ABCC11: variants seen among roughly 807,000 people sequenced by gnomAD.
The protein encoded by ABCC11 is ATP-binding cassette sub-family C member 11.
Under a neutral mutation model 149.3 loss-of-function variants are expected in ABCC11, and 135 were observed. That is an observed-to-expected ratio of 0.90 (90% CI 0.79 to 1.04). The LOEUF (loss-of-function observed/expected upper bound fraction) is 1.04. ABCC11 is among the 50% of genes least tolerant of loss of function. The pLI is 0.00. For missense variants in ABCC11, 1,680 were observed against 1,722.1 expected, an observed-to-expected ratio of 0.98 and a Z score of 0.43; for synonymous variants, 665 against 671.4, an observed-to-expected ratio of 0.99 and a Z score of 0.15.
intron 12 of ABCC11, among the ~76,000 whole-genome samples, chr16:48,205,778 G>T (rs1244089360): frequency 2.0e-5 from 3 of 151,864 alleles, no homozygotes; most frequent in Admixed American, 2.0e-4. Flanking sequence ...TGAATCCAAG[G>T]TCTGCACTAA....
intron 4 of ABCC11, among the ~76,000 whole-genome samples, chr16:48,225,793 T>C (rs1302232958): frequency 6.6e-6 from 1 of 152,198 alleles, no homozygotes; most frequent in Non-Finnish European, 1.5e-5. Context: ...CCACTAGTGC[T>C]GGAAAAATGA....
rs769097533 is a variant in ABCC11 at position 48,197,992 on chromosome 16, C to T, written c.2293G>A (p.Glu765Lys). The T allele has an allele frequency of 1.4e-5, 23 of 1,614,066 alleles. No homozygotes were observed. In the South Asian group the frequency reaches 1.5e-4, roughly 11 times the overall value. Residue 765 changes from glutamate to lysine, a missense_variant, in exon 17 of 30, where the codon GAG becomes AAG. Transcript: ENST00000356608. ...TTACCAGCATTTCCGTTGAGAGACT[C>T]TTCCAGGGAGGTGGCCAGAGCCTGA... ...ESQALATSLEESLNGNAVPEH... is the reference protein window; with the variant it reads ...ESQALATSLEKSLNGNAVPEH...
At position 48,233,792 on chromosome 16, in the gene ABCC11, C is replaced by A. The variant is rs1232442226; in HGVS notation, c.-18-1853G>T. Among the ~76,000 whole-genome samples the A allele has an allele frequency of 2.6e-5, 4 of 152,180 alleles. No homozygotes were observed. In the East Asian group the frequency reaches 7.7e-4, roughly 29 times the overall value. On this transcript the variant is annotated intron_variant, in intron 1 of 29. Coordinates refer to ENST00000356608, the MANE Select transcript of ABCC11 (RefSeq NM_001370497.1). Reference sequence around the variant, plus strand: ...CATAAACGTTTATATCTGTAACAAACCTGTGGTTGCAATTGGTGATTAAGT... The same window carrying A: ...CATAAACGTTTATATCTGTAACAAAACTGTGGTTGCAATTGGTGATTAAGT...
rs373067714 is a variant in ABCC11, at chr16:48,175,437, C to T, written c.3539-20G>A. On this transcript the variant is annotated intron_variant, in intron 25 of 29. Coordinates refer to ENST00000356608, the MANE Select transcript of ABCC11 (RefSeq NM_001370497.1). ...ACTTCCCTGTGGGGCAAGAAACAAG[C>T]GGGGCCTCAGTTTCCTGCATCTGCA... 7.5e-6 allele frequency: 12 copies of T among 1,594,286 alleles called. No homozygotes were observed. Among genetic ancestry groups the T allele is most frequent in the African/African-American group, 5.4e-5 (4 of 74,622 alleles).
At chr16:48,192,499 A>G (rs762412192) in intron 20 of ABCC11, 21 bp downstream of exon 20, 1 of 1,613,536 alleles carries the variant, frequency 6.2e-7, no homozygotes. Flanking sequence ...CTTCGGCCCC[A>G]CCCAGCACCC....
chr16:48,227,509 G>A (rs1970152341), intron 4 of ABCC11, among the ~76,000 whole-genome samples: 1 of 150,490 alleles, frequency 6.6e-6, no homozygotes, highest in Non-Finnish European at 1.5e-5. Flanking sequence ...AAAAATAAAA[G>A]AAAAAAATGA....
Position 48,167,364 on chromosome 16 carries a change from C to T in ABCC11, c.4059G>A (p.Val1353=), listed in dbSNP as rs747425741. 1.5e-5 allele frequency: 21 copies of T among 1,361,304 alleles called. No individual in the cohort carries two copies. The South Asian group carries it at 2.4e-4, about 16-fold the overall frequency. The allele number at this position is 1,361,304 out of a possible 1,614,324, so 84.3% of individuals were successfully genotyped here. The change falls in exon 30 of 30, where the codon GTG becomes GTA. Residue 1353 remains valine, a splice_region_variant and synonymous_variant. Transcript: ENST00000356608. ...GTACCTCCGGCCGATCAAATTCTACCACCTGGAGGGTAGAGAAAGGCGAGG... is the reference window on the plus strand; with the variant it reads ...GTACCTCCGGCCGATCAAATTCTACTACCTGGAGGGTAGAGAAAGGCGAGG... ...DHILVMGNGK[V]VEFDRPEVLR...
chr16:48,222,602 C>A lies in ABCC11; in HGVS notation c.773G>T (p.Gly258Val), dbSNP rs1596818632. 1.2e-6 allele frequency: 2 copies of A among 1,613,444 alleles called. No homozygotes were observed. Among genetic ancestry groups the A allele is most frequent in the African/African-American group, 1.3e-5 (1 of 74,904 alleles). ...QFKSVIHITS[G>V]EAISFFTGDV... is the part of the protein sequence containing the mutation. ...TAGGCAGTCCCAGCTGCTTACCTCT[C>A]CTGAGGTGATGTGTATTACAGACTT... Residue 258 changes from glycine (G) to valine (V), a missense_variant, in exon 6 of 30, where the codon GGA (glycine) becomes GTA (valine). Transcript: ENST00000356608.
chr16:48,168,856 C>G (rs1481573218), intron 28 of ABCC11, among the ~76,000 whole-genome samples: 1 of 152,076 alleles, frequency 6.6e-6, no homozygotes, highest in African/African-American at 2.4e-5. Flanking sequence ...CACATGGACA[C>G]AGGGAGGGGA....
At position 48,215,357 on chromosome 16, in the gene ABCC11, T is replaced by G; in HGVS notation, c.952-13A>C. 6.2e-7 allele frequency: 1 copy of G among 1,610,254 alleles called. No individual in the cohort carries two copies. The highest frequency in any genetic ancestry group is 1.7e-4 in the Middle Eastern group (1 of 5,748). On this transcript the variant is annotated splice_polypyrimidine_tract_variant and intron_variant, in intron 7 of 29. Transcript: ENST00000356608. ...TTGTCATGAATACCTGGAGTCAGGA[T>G]ACAGCAAGTTTGGAGTTGATCTGCA...
In ABCC11 at chr16:48,217,325, A is replaced by G. The variant is rs140735155; in HGVS notation, c.778-1038T>C. Among the ~76,000 whole-genome samples, 566 of 152,080 alleles carry G rather than the reference A, an allele frequency of 3.7e-3. 4 individuals carry two copies. Among genetic ancestry groups the G allele is most frequent in the African/African-American group, 0.013 (537 of 41,450 alleles). ...CACATATACTGCCTGGCTCAACGCT[A>G]TATAAAAAGTAACATTTGGCCGGGC... On this transcript the variant is annotated intron_variant, in intron 6 of 29. Transcript: ENST00000356608.
intron 7 of ABCC11, among the ~76,000 whole-genome samples, 176 bp downstream of exon 7, chr16:48,215,938 C>A (rs11866312): frequency 0.14 from 21,755 of 152,210 alleles, 2,050 homozygotes; most frequent in African/African-American, 0.27. Flanking sequence ...TTATTTACTT[C>A]TTAACCGAAT....
chr16:48,173,690 T>G (rs1300411771), intron 26 of ABCC11, among the ~76,000 whole-genome samples: 2 of 152,324 alleles, frequency 1.3e-5, no homozygotes, highest in Middle Eastern at 6.8e-3. Flanking sequence ...AGTAGCACGA[T>G]CTCGGCTCAC....
chr16:48,241,664 C>A (rs8056692), intron 1 of ABCC11, among the ~76,000 whole-genome samples: 19,853 of 152,076 alleles, frequency 0.13, 1,590 homozygotes, highest in African/African-American at 0.23. Context: ...GCTATGGTAA[C>A]CAAAACAGCA....
chr16:48,236,667 A>T (rs535300944), intron 1 of ABCC11, among the ~76,000 whole-genome samples: 6 of 152,208 alleles, frequency 3.9e-5, no homozygotes, highest in Non-Finnish European at 7.3e-5. Flanking sequence ...GTCACGAAAG[A>T]CTTCACATTT....
chr16:48,245,960 TC>T (rs1971358305), intron 1 of ABCC11, among the ~76,000 whole-genome samples: 1 of 152,194 alleles, frequency 6.6e-6, no homozygotes. Context: ...CTGGCAGTTA[TC>T]CCTTATTTTT....
At chr16:48,227,679 T>C in intron 4 of ABCC11, 127 bp downstream of exon 4, 1 of 1,273,290 alleles carries the variant, frequency 7.9e-7, no homozygotes, top group Non-Finnish European at 1.1e-6. Flanking sequence ...GTATGAGGCC[T>C]CTTCCTACAG....
rs1169044667 is a variant in ABCC11 at position 48,187,352 on chromosome 16, C to T, written c.2782G>A (p.Glu928Lys). Reference sequence around the variant, plus strand: ...ATGGGCAAGAGCTGGTCCAGCTGTTCCAAGTCCCCTGCGAAGCAGTTCAAA... The same window carrying T: ...ATGGGCAAGAGCTGGTCCAGCTGTTTCAAGTCCCCTGCGAAGCAGTTCAAA... The part of the protein sequence containing the change: ...RLLNCFAGDL[E>K]QLDQLLPIFS... Residue 928 changes from glutamate to lysine, a missense_variant, in exon 21 of 30, where the codon GAA (glutamate) becomes AAA (lysine). Transcript: ENST00000356608. 2 of 1,614,154 alleles carry T rather than the reference C, an allele frequency of 1.2e-6. No individual in the cohort carries two copies. Among genetic ancestry groups the T allele is most frequent in the Admixed American group, 1.7e-5 (1 of 60,016 alleles).
At chr16:48,236,205 C>T (rs1446932228) in intron 1 of ABCC11, among the ~76,000 whole-genome samples, 1 of 152,170 alleles carries the variant, frequency 6.6e-6, no homozygotes. Flanking sequence ...CATCTCAGTA[C>T]CTGGCCTTCT....
Sources: gnomAD v4.1 joint callset for allele counts (sites outside exome capture counted in the v4.1 genomes callset) on GRCh38, gnomAD v4.1.1 for gene constraint, MANE v1.5 for transcripts, NCBI Gene and HGNC (gene_info 2026-07-23, HGNC 2026-07-21) for gene names.